Variants in EPHB1 observed in about 807,000 individuals in gnomAD.
The protein encoded by EPHB1 is EPH receptor B1, also known as ephrin type-B receptor 1.
EPHB1 carries 30 observed loss-of-function variants against 94.4 expected under a neutral mutation model. That is an observed-to-expected ratio of 0.32 (90% CI 0.24 to 0.43). EPHB1 has a LOEUF of 0.43. Among genes scored for constraint, EPHB1 ranks in the 20% least tolerant of loss-of-function variants. EPHB1 has a pLI of 1.00. For synonymous variants in EPHB1, 522 were observed against 489.1 expected, an observed-to-expected ratio of 1.07 and a Z score of -0.89; for missense variants, 1,055 against 1,308.3, an observed-to-expected ratio of 0.81 and a Z score of 2.99.
chr3:134,912,410 T>C (rs1363083068), intron 1 of EPHB1, among the ~76,000 whole-genome samples: 1 of 152,310 alleles, frequency 6.6e-6, no homozygotes, highest in East Asian at 1.9e-4. Flanking sequence ...TGCAAATAGG[T>C]GTAGCACTGA....
intron 1 of EPHB1, among the ~76,000 whole-genome samples, chr3:134,921,156 G>A (rs1441361536): frequency 6.6e-6 from 1 of 152,010 alleles, no homozygotes; most frequent in Non-Finnish European, 1.5e-5. Flanking sequence ...TTCTCCTTTT[G>A]CTCACTGTTT....
At chr3:134,890,161 G>A (rs1286587563) in intron 1 of EPHB1, among the ~76,000 whole-genome samples, 1 of 152,046 alleles carries the variant, frequency 6.6e-6, no homozygotes, top group Non-Finnish European at 1.5e-5. Flanking sequence ...CACTGACTTT[G>A]ACGTTTTGTA....
intron 4 of EPHB1, among the ~76,000 whole-genome samples, chr3:135,114,991 C>T (rs1381183777): frequency 6.6e-6 from 1 of 152,118 alleles, no homozygotes; most frequent in Non-Finnish European, 1.5e-5. Context: ...ACTCTATACT[C>T]TTTTTCTTCA....
chr3:135,146,399 G>C (rs1252060430), intron 5 of EPHB1, among the ~76,000 whole-genome samples: 2 of 152,238 alleles, frequency 1.3e-5, no homozygotes, highest in Non-Finnish European at 2.9e-5. Flanking sequence ...AGGATGGTAA[G>C]TACATGAGGC....
chr3:135,044,555 C>T (rs1530653), intron 3 of EPHB1, among the ~76,000 whole-genome samples: 7,939 of 152,264 alleles, frequency 0.052, 273 homozygotes, highest in East Asian at 0.14. Context: ...CTGTTTAATA[C>T]GGAGCCCACT....
At chr3:135,122,710 T>C (rs1046106381) in intron 4 of EPHB1, among the ~76,000 whole-genome samples, 1 of 152,188 alleles carries the variant, frequency 6.6e-6, no homozygotes, top group Non-Finnish European at 1.5e-5. Flanking sequence ...ATAATCTACT[T>C]CCTTTCTTCC....
chr3:135,220,582 T>C (rs1274599991), intron 12 of EPHB1, among the ~76,000 whole-genome samples: 3 of 150,512 alleles, frequency 2.0e-5, no homozygotes, highest in Admixed American at 6.6e-5. Context: ...AGCTCTTTCC[T>C]TTGTTGGAGG....
chr3:135,136,520 TC>T (rs1478758998), intron 5 of EPHB1, among the ~76,000 whole-genome samples: 1 of 152,162 alleles, frequency 6.6e-6, no homozygotes, highest in Non-Finnish European at 1.5e-5. Context: ...AGAAGGTGGG[TC>T]AGATGAAGAA....
At chr3:135,133,096 C>G (rs1166699384) in intron 5 of EPHB1, 47 bp downstream of exon 5, 1 of 1,523,162 alleles carries the variant, frequency 6.6e-7, no homozygotes, top group Non-Finnish European at 8.9e-7. Flanking sequence ...GTGGCTGGCT[C>G]TTTGTCTCTA....
chr3:135,009,748 A>G (rs896139849), intron 3 of EPHB1, among the ~76,000 whole-genome samples: 1 of 152,232 alleles, frequency 6.6e-6, no homozygotes, highest in Non-Finnish European at 1.5e-5. Context: ...CTTTTAACCT[A>G]GTTTTAATTA....
In EPHB1 at chr3:135,248,400, T is replaced by G. The variant is rs750265015; in HGVS notation, c.2581T>G (p.Trp861Gly). The G allele has an allele frequency of 3.7e-6, 6 of 1,613,868 alleles. No homozygotes were observed. The African/African-American group carries it at 8.0e-5, about 22-fold the overall frequency. ...AALHQLMLDC[W>G]QKDRNSRPRF... ...TCTACACCAGCTCATGCTGGACTGT[T>G]GGCAGAAGGACCGGAACAGCCGGCC... Residue 861 changes from tryptophan to glycine, a missense_variant, in exon 14 of 16, where the codon TGG (tryptophan) becomes GGG (glycine). Coordinates refer to ENST00000398015, the MANE Select transcript of EPHB1 (RefSeq NM_004441.5).
At chr3:135,246,456 G>A (rs1943926222) in intron 13 of EPHB1, among the ~76,000 whole-genome samples, 1 of 152,224 alleles carries the variant, frequency 6.6e-6, no homozygotes, top group Non-Finnish European at 1.5e-5. Context: ...GAAGACAGCC[G>A]ACACCTCCAG....
intron 3 of EPHB1, among the ~76,000 whole-genome samples, chr3:135,095,972 G>T (rs1234764292): frequency 6.6e-6 from 1 of 152,186 alleles, no homozygotes; most frequent in Non-Finnish European, 1.5e-5. Flanking sequence ...GGAATTTCCA[G>T]CTCAAAGTCT....
Position 135,205,201 on chromosome 3 carries a change from G to A in EPHB1, c.2346+3512G>A, listed in dbSNP as rs72981630. Reference sequence around the variant, plus strand: ...TTTGTTTTAATTTACATTTTCAACTGACTGCTAGTGACATTGATATCTTTT... The same window carrying A: ...TTTGTTTTAATTTACATTTTCAACTAACTGCTAGTGACATTGATATCTTTT... On this transcript the variant is annotated intron_variant, in intron 12 of 15. Transcript: ENST00000398015. Among the ~76,000 whole-genome samples the A allele has an allele frequency of 4.9e-3, 739 of 152,168 alleles. 7 individuals carry two copies. The highest frequency in any genetic ancestry group is 0.015 in the African/African-American group (617 of 41,502).
intron 1 of EPHB1, among the ~76,000 whole-genome samples, chr3:134,903,154 TAAATAG>T (rs1291986253): frequency 3.3e-5 from 5 of 152,178 alleles, no homozygotes; most frequent in Non-Finnish European, 5.9e-5. Context: ...GTATTAAAAA[TAAATAG>T]AAATAAAAGT....
chr3:134,867,277 T>A (rs1322795664), intron 1 of EPHB1, among the ~76,000 whole-genome samples: 1 of 152,212 alleles, frequency 6.6e-6, no homozygotes, highest in Non-Finnish European at 1.5e-5. Context: ...TCTAAGTTAT[T>A]CATTTAGGGG....
At chr3:135,096,376 C>G (rs61391877) in intron 3 of EPHB1, among the ~76,000 whole-genome samples, 35,833 of 152,138 alleles carry the variant, frequency 0.24, 5,600 homozygotes, top group East Asian at 0.68. Context: ...CAGTGGTCCT[C>G]AGACTAGAGC....
At chr3:135,059,476 G>A (rs1309191296) in intron 3 of EPHB1, among the ~76,000 whole-genome samples, 2 of 152,076 alleles carry the variant, frequency 1.3e-5, no homozygotes, top group African/African-American at 2.4e-5. Context: ...AGGGGTGAGA[G>A]AAAGAGGGGA....
intron 3 of EPHB1, among the ~76,000 whole-genome samples, chr3:134,967,480 T>C (rs1333775479): frequency 2.6e-5 from 4 of 152,172 alleles, no homozygotes; most frequent in African/African-American, 9.7e-5. Context: ...CATGGATTAA[T>C]GAGTTATCAA....
Sources: gnomAD v4.1 joint callset for allele counts (sites outside exome capture counted in the v4.1 genomes callset) on GRCh38, gnomAD v4.1.1 for gene constraint, MANE v1.5 for transcripts, NCBI Gene and HGNC (gene_info 2026-07-23, HGNC 2026-07-21) for gene names.